The following SHISA5 variants were observed in gnomAD, a reference collection of about 807,000 sequenced individuals.
SHISA5 encodes the protein protein shisa-5.
Under a neutral mutation model 27.5 loss-of-function variants are expected in SHISA5, and 21 were observed. That is an observed-to-expected ratio of 0.76 (90% CI 0.54 to 1.10). The LOEUF is 1.10. Among genes scored for constraint, SHISA5 ranks in the 50% least tolerant of loss-of-function variants. The pLI, the probability that SHISA5 is intolerant of heterozygous loss-of-function variation, is 0.00. For synonymous variants in SHISA5, 137 were observed against 142.2 expected (o/e 0.96, Z 0.26); for missense variants, 314 against 336.3 (o/e 0.93, Z 0.52).
chr3:48,469,757 C>T lies in SHISA5; in HGVS notation c.401G>A (p.Cys134Tyr), dbSNP rs2040536692. The T allele has an allele frequency of 1.2e-6, 2 of 1,614,084 alleles. No individual in the cohort carries two copies. The highest frequency in any genetic ancestry group is 2.2e-5 in the East Asian group (1 of 44,882). ...IIICFTCSCC[C>Y]LYKTCRRPRP... ...TGGTCGGCGGCACGTCTTGTAAAGGCAGCAGCAGGAGCAGGTGAAGCAGAT... is the reference window on the plus strand; with the variant it reads ...TGGTCGGCGGCACGTCTTGTAAAGGTAGCAGCAGGAGCAGGTGAAGCAGAT... The change falls in exon 4 of 6, where the codon TGC becomes TAC. Residue 134 changes from cysteine to tyrosine, a missense_variant. By Grantham distance (194) the Cys-to-Tyr change is radical. Coordinates refer to ENST00000296444, the MANE Select transcript of SHISA5 (RefSeq NM_016479.6). This position sits in a 1 kb window ranked among gnomAD's most constrained non-coding sequence, Gnocchi z 4.6.
At chr3:48,494,803 T>C (rs1175715069) in intron 2 of SHISA5, among the ~76,000 whole-genome samples, 3 of 147,468 alleles carry the variant, frequency 2.0e-5, no homozygotes, top group Admixed American at 6.6e-5. Flanking sequence ...CTGGATCATA[T>C]GCACATGGTA....
At chr3:48,474,395 G>C (rs549911318) in intron 3 of SHISA5, among the ~76,000 whole-genome samples, 1 of 151,430 alleles carries the variant, frequency 6.6e-6, no homozygotes, top group East Asian at 1.9e-4. Context: ...GAGTGCAATG[G>C]TGCAATCTCA....
rs2040436649 is a variant in SHISA5, at chr3:48,468,373, T to C, written c.*734A>G. On this transcript the variant is annotated 3_prime_UTR_variant, in exon 6 of 6. Transcript: ENST00000296444. ...GGCAGCAGAGCTCCCTGGGGGCAGC[T>C]AGGCTGTGTGTGCATGTGGCCCTCC... is the stretch of plus-strand genomic sequence containing the variant. The C allele has an allele frequency of 1.9e-6, 2 of 1,076,752 alleles. No homozygotes were observed. The highest frequency in any genetic ancestry group is 4.9e-5 in the Admixed American group (1 of 20,364). 66.7% of individuals were successfully genotyped at this position (1,076,752 alleles called of 1,614,324 possible).
chr3:48,504,431 T>C (rs1017836826), upstream of SHISA5: 5 of 223,976 alleles, frequency 2.2e-5, no homozygotes, highest in Admixed American at 2.3e-4. This position sits in a 1 kb window ranked among gnomAD's most constrained non-coding sequence, Gnocchi z 4.0. Context: ...ACCGGATGCA[T>C]GGGGGGCGGC....
At chr3:48,489,706 C>T (rs753292332) in intron 2 of SHISA5, among the ~76,000 whole-genome samples, 1 of 147,996 alleles carries the variant, frequency 6.8e-6, no homozygotes, top group South Asian at 2.1e-4. Flanking sequence ...CAGCTCACTG[C>T]AACCTTGATC....
At chr3:48,483,276 G>T (rs553447732) in intron 2 of SHISA5, among the ~76,000 whole-genome samples, 1 of 152,036 alleles carries the variant, frequency 6.6e-6, no homozygotes, top group African/African-American at 2.4e-5. Flanking sequence ...TGAGATTAGG[G>T]AGTGGTGATG....
In SHISA5 at chr3:48,504,032, C is replaced by A. The variant is rs951834750; in HGVS notation, c.63G>T (p.Thr21=). Residue 21 remains threonine (T), a synonymous_variant, in exon 1 of 6, where the codon ACG becomes ACT. Transcript: ENST00000296444. This position sits in a 1 kb window ranked among gnomAD's most constrained non-coding sequence, Gnocchi z 4.0. ...CCCCCGGCTCACCACCCGGAGGCGGCGTTAGCAGCAGCAGCAACAGCAACG... is the reference window on the plus strand; with the variant it reads ...CCCCCGGCTCACCACCCGGAGGCGGAGTTAGCAGCAGCAGCAACAGCAACG... The part of the protein sequence containing the change: ...LLPLLLLLLL[T]PPPGARGEVC... The A allele has an allele frequency of 2.0e-6, 3 of 1,466,498 alleles. No homozygotes were observed. The highest frequency in any genetic ancestry group is 1.8e-6 in the Non-Finnish European group (2 of 1,105,664). The allele number at this position is 1,466,498 out of a possible 1,614,324, so 90.8% of individuals were successfully genotyped here.
chr3:48,495,587 T>G (rs2041516712), intron 2 of SHISA5, among the ~76,000 whole-genome samples: 1 of 146,502 alleles, frequency 6.8e-6, no homozygotes, highest in Non-Finnish European at 1.5e-5. Context: ...AGTGACACAA[T>G]ATCAGCTCAC....
At chr3:48,471,735 G>A (rs998862994) in intron 3 of SHISA5, among the ~76,000 whole-genome samples, 6 of 151,314 alleles carry the variant, frequency 4.0e-5, no homozygotes, top group African/African-American at 9.7e-5. Flanking sequence ...AAAATTAGCC[G>A]GACATGATGG....
intron 2 of SHISA5, among the ~76,000 whole-genome samples, chr3:48,496,254 T>C (rs1455005302): frequency 1.4e-5 from 2 of 144,546 alleles, no homozygotes; most frequent in Non-Finnish European, 3.0e-5. Flanking sequence ...ATTGTGCCAC[T>C]GTACTCCAGC....
chr3:48,501,331 G>A (rs201837049), intron 1 of SHISA5, 38 bp from the exon 2 acceptor site: 61 of 1,601,490 alleles, frequency 3.8e-5, no homozygotes, highest in Middle Eastern at 3.3e-4. Flanking sequence ...CTGTGCCCAC[G>A]GGCCAGGCCC....
chr3:48,501,297 G>T lies in SHISA5; in HGVS notation c.77-4C>A. The T allele has an allele frequency of 6.2e-7, 1 of 1,613,176 alleles. No homozygotes were observed. The highest frequency in any genetic ancestry group is 8.5e-7 in the Non-Finnish European group (1 of 1,179,414). On this transcript the variant is annotated splice_region_variant and splice_polypyrimidine_tract_variant and intron_variant, in intron 1 of 5. Coordinates refer to ENST00000296444, the MANE Select transcript of SHISA5 (RefSeq NM_016479.6). ...GCCATACACACCTCACCACGTGCTG[G>T]AGAGGAGAAACACATCTGTTCACCT...
At chr3:48,491,500 C>T (rs1200167580) in intron 2 of SHISA5, among the ~76,000 whole-genome samples, 1 of 152,138 alleles carries the variant, frequency 6.6e-6, no homozygotes, top group Admixed American at 6.6e-5. Context: ...CCCGGACCAC[C>T]TTGGGCACAT....
At chr3:48,504,395 G>T, upstream of SHISA5, 1 of 289,482 alleles carries the variant, frequency 3.5e-6, no homozygotes, top group Non-Finnish European at 6.4e-6. This position sits in a 1 kb window ranked among gnomAD's most constrained non-coding sequence, Gnocchi z 4.0. Flanking sequence ...CAGGCGCCGG[G>T]CGACGCACGG....
At chr3:48,490,140 C>A (rs2041378825) in intron 2 of SHISA5, among the ~76,000 whole-genome samples, 1 of 152,096 alleles carries the variant, frequency 6.6e-6, no homozygotes, top group African/African-American at 2.4e-5. Context: ...ATGGCGCAAT[C>A]TCGGTTCACT....
At chr3:48,494,542 C>G (rs989016724) in intron 2 of SHISA5, among the ~76,000 whole-genome samples, 1 of 147,614 alleles carries the variant, frequency 6.8e-6, no homozygotes, top group Non-Finnish European at 1.5e-5. Context: ...ATCCACCCCC[C>G]CTTGGCCTCC....
rs1031089946 is a variant in SHISA5, at chr3:48,472,894, C to T, written c.315-3051G>A. The T allele has an allele frequency of 1.5e-5, 16 of 1,082,950 alleles. No homozygotes were observed. In the Admixed American group the frequency reaches 1.8e-4, roughly 12 times the overall value. 67.1% of individuals were successfully genotyped at this position (1,082,950 alleles called of 1,614,324 possible). On this transcript the variant is annotated intron_variant, in intron 3 of 5. Transcript: ENST00000296444. Reference sequence around the variant, plus strand: ...CCAACCAGAGGCAGGAATGGAGAAACGCACACACATTCACACGCCATCAAT... The same window carrying T: ...CCAACCAGAGGCAGGAATGGAGAAATGCACACACATTCACACGCCATCAAT...
chr3:48,501,323 G>A (rs762184755), intron 1 of SHISA5, 30 bp from the exon 2 acceptor site: 5 of 1,606,618 alleles, frequency 3.1e-6, no homozygotes, highest in South Asian at 1.1e-5. Flanking sequence ...CTGTTCACCT[G>A]TGCCCACGGG....
At chr3:48,489,730 C>A (rs992821200) in intron 2 of SHISA5, among the ~76,000 whole-genome samples, 1 of 148,858 alleles carries the variant, frequency 6.7e-6, no homozygotes, top group African/African-American at 2.5e-5. Context: ...TAGGCTCAAG[C>A]AATCCTCCCA....
Sources: gnomAD v4.1 joint callset for allele counts (sites outside exome capture counted in the v4.1 genomes callset) on GRCh38, gnomAD v4.1.1 for gene constraint, Gnocchi (gnomAD v3.1) non-coding constraint, MANE v1.5 for transcripts, NCBI Gene and HGNC (gene_info 2026-07-23, HGNC 2026-07-21) for gene names.